Variants in DCC observed in about 807,000 individuals in gnomAD.
The protein encoded by DCC is netrin receptor DCC.
DCC carries 58 observed loss-of-function variants against 172.5 expected under a neutral mutation model. The observed-to-expected ratio is 0.34, with a 90% CI of 0.27 to 0.42. DCC has a LOEUF of 0.42. Among genes scored for constraint, DCC ranks in the 10% least tolerant of loss-of-function variants. The pLI, the probability that DCC is intolerant of heterozygous loss-of-function variation, is 1.00. For synonymous variants in DCC, 709 were observed against 644.5 expected (o/e 1.10, Z -1.52); for missense variants, 1,740 against 1,791.0 (o/e 0.97, Z 0.51).
intron 9 of DCC, among the ~76,000 whole-genome samples, chr18:53,200,027 T>A (rs2055511641): frequency 6.6e-6 from 1 of 152,208 alleles, no homozygotes; most frequent in Non-Finnish European, 1.5e-5. Flanking sequence ...TCGAATGTTC[T>A]CATTTGGCTG....
At chr18:53,393,914 C>CGTCTCTCTCT (rs1599101086) in intron 17 of DCC, among the ~76,000 whole-genome samples, 1 of 108,050 alleles carries the variant, frequency 9.3e-6, no homozygotes, top group Non-Finnish European at 2.3e-5. Context: ...TCTCTCTCTC[C>CGTCTCTCTCT]CTCTCTCCCT....
At chr18:52,403,366 G>A (rs988039114) in intron 1 of DCC, among the ~76,000 whole-genome samples, 1 of 151,870 alleles carries the variant, frequency 6.6e-6, no homozygotes, top group Non-Finnish European at 1.5e-5. Context: ...TCTTATTTTG[G>A]TGGTTTCAAG....
chr18:53,408,573 C>T (rs191970601), intron 19 of DCC, among the ~76,000 whole-genome samples: 16 of 152,200 alleles, frequency 1.1e-4, no homozygotes, highest in Admixed American at 9.2e-4. Flanking sequence ...TGTCTTCTAT[C>T]GGTTAGAAAC....
At chr18:53,279,456 A>G (rs1428900230) in intron 12 of DCC, among the ~76,000 whole-genome samples, 2 of 135,416 alleles carry the variant, frequency 1.5e-5, no homozygotes, top group African/African-American at 2.8e-5. Flanking sequence ...ATGAGAACAC[A>G]TGGACACAGG....
At position 52,888,636 on chromosome 18, in the gene DCC, G is replaced by A. The variant is rs573182159; in HGVS notation, c.413-17408G>A. 2.1e-3 allele frequency among the ~76,000 whole-genome samples: 315 copies of A among 151,824 alleles called. 1 individual carries two copies. Among genetic ancestry groups the A allele is most frequent in the African/African-American group, 7.2e-3 (300 of 41,438 alleles). Reference sequence around the variant, plus strand: ...AAATACATACATATATATAAATATTGCAAAAAACATTTTTCTTAATTATGT... The same window carrying A: ...AAATACATACATATATATAAATATTACAAAAAACATTTTTCTTAATTATGT... On this transcript the variant is annotated intron_variant, in intron 2 of 28. Transcript: ENST00000442544.
At chr18:53,179,545 G>A (rs975564687) in intron 9 of DCC, among the ~76,000 whole-genome samples, 8 of 152,102 alleles carry the variant, frequency 5.3e-5, no homozygotes, top group Admixed American at 6.5e-5. Flanking sequence ...GCTTGAACAC[G>A]CACCGCATGC....
At chr18:52,544,845 G>T (rs1046199520) in intron 1 of DCC, among the ~76,000 whole-genome samples, 1 of 152,150 alleles carries the variant, frequency 6.6e-6, no homozygotes, top group Non-Finnish European at 1.5e-5. Context: ...GGCACAACAG[G>T]TAGCAGGTTT....
At chr18:53,111,969 A>G (rs2043339409) in intron 7 of DCC, among the ~76,000 whole-genome samples, 2 of 151,626 alleles carry the variant, frequency 1.3e-5, no homozygotes, top group Admixed American at 1.3e-4. Flanking sequence ...AAAGAGAAGA[A>G]AACACCCATT....
chr18:52,805,282 A>G (rs139747407), intron 2 of DCC, among the ~76,000 whole-genome samples: 1 of 152,342 alleles, frequency 6.6e-6, no homozygotes, highest in African/African-American at 2.4e-5. Flanking sequence ...TGAGGTGTAT[A>G]TTAACAGCTG....
intron 15 of DCC, among the ~76,000 whole-genome samples, chr18:53,369,342 C>G (rs1464013470): frequency 6.6e-6 from 1 of 151,832 alleles, no homozygotes; most frequent in African/African-American, 2.4e-5. Flanking sequence ...TCTGTAGAAT[C>G]TTTACACTTG....
intron 1 of DCC, among the ~76,000 whole-genome samples, chr18:52,566,506 T>G: frequency 6.6e-6 from 1 of 152,146 alleles, no homozygotes; most frequent in East Asian, 1.9e-4. Context: ...ATTCCAGAAC[T>G]TAAAGAATAA....
chr18:53,394,422 C>A (rs1908780247), intron 17 of DCC, among the ~76,000 whole-genome samples: 1 of 152,184 alleles, frequency 6.6e-6, no homozygotes, highest in Non-Finnish European at 1.5e-5. Context: ...ACTCCCAAAT[C>A]TATAATACAG....
intron 12 of DCC, among the ~76,000 whole-genome samples, chr18:53,216,462 C>G (rs927197859): frequency 5.3e-5 from 8 of 152,266 alleles, no homozygotes; most frequent in African/African-American, 1.9e-4. Flanking sequence ...CTTTTCATAA[C>G]TATTTGGTCT....
chr18:53,245,948 TGAGCATTTTG>T (rs982626558), intron 12 of DCC, among the ~76,000 whole-genome samples: 18 of 152,218 alleles, frequency 1.2e-4, no homozygotes, highest in African/African-American at 4.3e-4. Context: ...AGGAGTTGGC[TGAGCATTTTG>T]GATACCTTCA....
intron 1 of DCC, among the ~76,000 whole-genome samples, chr18:52,492,434 G>C (rs1182314852): frequency 1.3e-5 from 2 of 151,912 alleles, no homozygotes; most frequent in Admixed American, 1.3e-4. Flanking sequence ...GAGAGAAAAA[G>C]ATGAGATGTG....
In DCC at chr18:52,649,979, T is replaced by G. The variant is rs867446422; in HGVS notation, c.92-102075T>G. ...TGAATCAGATGATAGTTCTATTTTT[T>G]TTTTTTTTTTTTTTTTGAGATGGAG... On this transcript the variant is annotated intron_variant, in intron 1 of 28. Transcript: ENST00000442544. Among the ~76,000 whole-genome samples the G allele has an allele frequency of 5.8e-3, 850 of 147,454 alleles. 8 individuals carry two copies. The highest frequency in any genetic ancestry group is 8.3e-3 in the Non-Finnish European group (551 of 66,740).
At chr18:52,494,016 T>C (rs1598861861) in intron 1 of DCC, among the ~76,000 whole-genome samples, 1 of 152,214 alleles carries the variant, frequency 6.6e-6, no homozygotes, top group Non-Finnish European at 1.5e-5. Flanking sequence ...TCAGTGCAGG[T>C]TTGTTAATGA....
chr18:52,787,819 A>T (rs1008746537), intron 2 of DCC, among the ~76,000 whole-genome samples: 2 of 152,084 alleles, frequency 1.3e-5, no homozygotes, highest in African/African-American at 4.8e-5. Context: ...ATGACTCAAA[A>T]AGCAAAAATC....
rs1986974157 is a variant in DCC, at chr18:52,415,106, T to C, written c.91+74228T>C. ...AATGGCTGAGATTTTTTCATTATCA[T>C]TGTACAGATTTAAAAATGACATTTT... On this transcript the variant is annotated intron_variant, in intron 1 of 28. Transcript: ENST00000442544. Among the ~76,000 whole-genome samples the C allele has an allele frequency of 2.0e-5, 3 of 152,366 alleles. No homozygotes were observed. The South Asian group carries it at 6.2e-4, about 32-fold the overall frequency.
Sources: gnomAD v4.1 joint callset for allele counts (sites outside exome capture counted in the v4.1 genomes callset) on GRCh38, gnomAD v4.1.1 for gene constraint, MANE v1.5 for transcripts, NCBI Gene and HGNC (gene_info 2026-07-23, HGNC 2026-07-21) for gene names.